ALPK1: variants seen among roughly 807,000 people sequenced by gnomAD.
ALPK1 encodes alpha-protein kinase 1.
ALPK1 carries 110 observed loss-of-function variants against 120.6 expected under a neutral mutation model. The ratio of observed to expected loss-of-function variants is 0.91; its 90% CI spans 0.78 to 1.07. ALPK1 has a LOEUF of 1.07. Among genes scored for constraint, ALPK1 ranks in the 50% least tolerant of loss-of-function variants. The pLI is 0.00. For synonymous variants in ALPK1, 582 were observed against 560.3 expected, an observed-to-expected ratio of 1.04 and a Z score of -0.55; for missense variants, 1,498 against 1,483.9, an observed-to-expected ratio of 1.01 and a Z score of -0.16.
chr4:112,421,741 A>G (rs1009854012), intron 5 of ALPK1, among the ~76,000 whole-genome samples: 3 of 152,196 alleles, frequency 2.0e-5, no homozygotes, highest in Non-Finnish European at 2.9e-5. Context: ...CTAAGCATCT[A>G]TCACGCACGG....
intron 1 of ALPK1, among the ~76,000 whole-genome samples, chr4:112,298,652 A>G (rs1419071532): frequency 6.6e-6 from 1 of 152,164 alleles, no homozygotes; most frequent in African/African-American, 2.4e-5. Flanking sequence ...TTCAAAATCT[A>G]TTTTAAACTG....
chr4:112,397,931 G>A (rs923365376), intron 4 of ALPK1, among the ~76,000 whole-genome samples: 2 of 152,012 alleles, frequency 1.3e-5, no homozygotes, highest in African/African-American at 4.8e-5. Context: ...GATGAGATTG[G>A]GCACAGTCAG....
Position 112,338,165 on chromosome 4 carries a change from C to T in ALPK1, c.-101+22313C>T, listed in dbSNP as rs147575674. Among the ~76,000 whole-genome samples, 601 of 152,254 alleles carry T rather than the reference C, an allele frequency of 3.9e-3. 3 individuals carry two copies. The highest frequency in any genetic ancestry group is 0.037 in the Middle Eastern group (11 of 294). On this transcript the variant is annotated intron_variant, in intron 2 of 15. Coordinates refer to ENST00000650871, the MANE Select transcript of ALPK1 (RefSeq NM_025144.4). ...TATTTTTAGTAGAGACGGGGTTTTG[C>T]CATGTTGGCCAGGCCAGTCTCGAAC...
intron 2 of ALPK1, among the ~76,000 whole-genome samples, chr4:112,344,265 A>G (rs1157271401): frequency 7.3e-6 from 1 of 136,596 alleles, no homozygotes; most frequent in Non-Finnish European, 1.7e-5. Context: ...GCACTTGGAG[A>G]AGACAGTGTG....
chr4:112,385,262 G>C (rs1185364346), intron 4 of ALPK1, among the ~76,000 whole-genome samples: 1 of 152,202 alleles, frequency 6.6e-6, no homozygotes, highest in Non-Finnish European at 1.5e-5. Flanking sequence ...GAGAGAAGCT[G>C]CTCATAGTTG....
chr4:112,371,204 C>T (rs969121423), intron 2 of ALPK1, among the ~76,000 whole-genome samples: 3 of 152,178 alleles, frequency 2.0e-5, no homozygotes, highest in Admixed American at 6.5e-5. Context: ...TGCAATTATA[C>T]CTAACTGATC....
chr4:112,381,460 A>C (rs2148728694), intron 3 of ALPK1, among the ~76,000 whole-genome samples: 1 of 152,336 alleles, frequency 6.6e-6, no homozygotes, highest in East Asian at 1.9e-4. Context: ...CAGGTCCTTT[A>C]TTTATATGGC....
intron 4 of ALPK1, among the ~76,000 whole-genome samples, chr4:112,385,810 T>C (rs1732128151): frequency 6.6e-6 from 1 of 152,210 alleles, no homozygotes; most frequent in Admixed American, 6.5e-5. Context: ...AATTCCATTC[T>C]CATGTAAAAA....
At chr4:112,335,773 G>T (rs1329382523) in intron 2 of ALPK1, among the ~76,000 whole-genome samples, 2 of 152,086 alleles carry the variant, frequency 1.3e-5, no homozygotes, top group East Asian at 1.9e-4. Context: ...CAGTAATAAA[G>T]GGTCTTCCTC....
At chr4:112,312,316 C>T (rs747034844) in intron 1 of ALPK1, among the ~76,000 whole-genome samples, 6 of 151,914 alleles carry the variant, frequency 3.9e-5, no homozygotes, top group African/African-American at 1.2e-4. Flanking sequence ...CTCTGTCGCC[C>T]AGGCTGGAGT....
intron 1 of ALPK1, among the ~76,000 whole-genome samples, chr4:112,304,592 G>A (rs1309869401): frequency 6.6e-6 from 1 of 151,974 alleles, no homozygotes; most frequent in Non-Finnish European, 1.5e-5. Context: ...CTTTTTGATG[G>A]GGTTGTTTGT....
In ALPK1 at chr4:112,431,700, G is replaced by C. The variant is rs143368967; in HGVS notation, c.2153G>C (p.Arg718Pro). 1 of 1,614,142 alleles carries C rather than the reference G, an allele frequency of 6.2e-7. No homozygotes were observed. The highest frequency in any genetic ancestry group is 1.7e-5 in the Admixed American group (1 of 60,018). The change falls in exon 11 of 16, where the codon CGT becomes CCT. Residue 718 changes from arginine (R) to proline (P), a missense_variant. Physicochemically the swap from Arg to Pro is moderately radical, Grantham distance 103. Transcript: ENST00000650871. ...TCTGCTCACTCCAGACCCTCATATC[G>C]TTCTGCTTCTTGGTCTTCTGATTCT... is the stretch of plus-strand genomic sequence containing the variant. ...NTSAHSRPSYRSASWSSDSGR... is the reference protein window; with the variant it reads ...NTSAHSRPSYPSASWSSDSGR...
chr4:112,328,994 G>T (rs1729238382), intron 2 of ALPK1, among the ~76,000 whole-genome samples: 1 of 152,170 alleles, frequency 6.6e-6, no homozygotes, highest in African/African-American at 2.4e-5. Context: ...TTATCACAAG[G>T]CTGTAATCAT....
chr4:112,358,560 C>T, intron 2 of ALPK1: 2 of 701,800 alleles, frequency 2.8e-6, no homozygotes. Flanking sequence ...GAGCAGGAGC[C>T]AGACCCTGCC....
At chr4:112,363,087 C>A (rs1364818707) in intron 2 of ALPK1, among the ~76,000 whole-genome samples, 2 of 152,204 alleles carry the variant, frequency 1.3e-5, no homozygotes, top group African/African-American at 4.8e-5. Context: ...CTAAAAGGAG[C>A]TCTAAATCTT....
At chr4:112,310,971 A>C (rs1728377084) in intron 1 of ALPK1, among the ~76,000 whole-genome samples, 1 of 151,198 alleles carries the variant, frequency 6.6e-6, no homozygotes, top group Non-Finnish European at 1.5e-5. Context: ...TTTAGCAAAA[A>C]TCTCCAGCTT....
rs1341682538 is a variant in ALPK1 at position 112,400,824 on chromosome 4, C to A, written c.277-11003C>A. Among the ~76,000 whole-genome samples, 4 of 152,144 alleles carry A rather than the reference C, an allele frequency of 2.6e-5. No individual in the cohort carries two copies. In the South Asian group the frequency reaches 8.3e-4, roughly 31 times the overall value. The stretch of plus-strand genomic sequence containing the variant: ...TTGCTGGCAGGAACTTTCCTTCAGG[C>A]AGAACAGGCCAGAATGTACCCTCTC... On this transcript the variant is annotated intron_variant, in intron 4 of 15. Transcript: ENST00000650871.
chr4:112,311,043 G>T (rs1431836938), intron 1 of ALPK1, among the ~76,000 whole-genome samples: 2 of 152,184 alleles, frequency 1.3e-5, no homozygotes, highest in East Asian at 3.9e-4. Flanking sequence ...ACACGTAGCT[G>T]GTTTGTGATG....
At chr4:112,326,909 T>C (rs1244502699) in intron 2 of ALPK1, among the ~76,000 whole-genome samples, 4 of 152,170 alleles carry the variant, frequency 2.6e-5, no homozygotes, top group Admixed American at 2.6e-4. Context: ...CAGTTTCACC[T>C]TGGACTTCTG....
Sources: allele counts gnomAD v4.1 joint callset (sites outside exome capture counted in the v4.1 genomes callset), GRCh38; gene constraint gnomAD v4.1.1; transcripts MANE v1.5; gene names NCBI Gene and HGNC (gene_info 2026-07-23, HGNC 2026-07-21).